Variants in GRIN2C observed in about 807,000 individuals in gnomAD.
GRIN2C encodes the protein glutamate ionotropic receptor NMDA type subunit 2C.
Under a neutral mutation model 77.7 loss-of-function variants are expected in GRIN2C, and 64 were observed. That is an observed-to-expected ratio of 0.82 (90% CI 0.67 to 1.01). GRIN2C has a LOEUF of 1.01. GRIN2C is among the 50% of genes least tolerant of loss of function. The probability of loss-of-function intolerance (pLI) is 0.00; values close to 1 mark genes in which losing one functional copy is unlikely to be tolerated. For missense variants in GRIN2C, 1,549 were observed against 1,486.0 expected (o/e 1.04, Z -0.70); for synonymous variants, 792 against 643.4 (o/e 1.23, Z -3.49).
Position 74,846,058 on chromosome 17 carries a change from G to A in GRIN2C, c.2350+8C>T. ...CACCCTGGGCATCCCAGCAATGGCA[G>A]TACCCACCGTCCCCCAGGAACTGCA... is the stretch of plus-strand genomic sequence containing the variant. On this transcript the variant is annotated splice_region_variant and intron_variant, in intron 11 of 12. Transcript: ENST00000293190. The surrounding 1 kb of genome is among the most constrained non-coding windows in gnomAD (Gnocchi z 4.4). 2 of 1,612,830 alleles carry A rather than the reference G, an allele frequency of 1.2e-6. No homozygotes were observed. The highest frequency in any genetic ancestry group is 1.7e-6 in the Non-Finnish European group (2 of 1,178,894).
At position 74,855,126 on chromosome 17, in the gene GRIN2C, A is replaced by G. The variant is rs770679125; in HGVS notation, c.-15-19T>C. 2.5e-5 allele frequency: 38 copies of G among 1,528,928 alleles called. No homozygotes were observed. In the Admixed American group the frequency reaches 7.3e-4, roughly 29 times the overall value. 94.7% of individuals were successfully genotyped at this position (1,528,928 alleles called of 1,614,324 possible). A position where few individuals can be genotyped will look rare whatever the true frequency, so the allele number is the denominator to read the frequency against. On this transcript the variant is annotated intron_variant, in intron 1 of 12. Transcript: ENST00000293190. ...GAGGGTCCTGCGGAGAGACCAGAACAAGCACAGGGAGAGAGACAGAGGTTT... is the reference window on the plus strand; with the variant it reads ...GAGGGTCCTGCGGAGAGACCAGAACGAGCACAGGGAGAGAGACAGAGGTTT...
In GRIN2C at chr17:74,846,737, C is replaced by T. The variant is rs751188059; in HGVS notation, c.2162+23G>A. 27 of 1,606,188 alleles carry T rather than the reference C, an allele frequency of 1.7e-5. No individual in the cohort carries two copies. In the South Asian group the frequency reaches 2.2e-4, roughly 13 times the overall value. ...TGGGGAGACACACGGATGAAGACAGCGGGTGCAGGGCTGGGGACCCACCCC... is the reference window on the plus strand; with the variant it reads ...TGGGGAGACACACGGATGAAGACAGTGGGTGCAGGGCTGGGGACCCACCCC... On this transcript the variant is annotated intron_variant, in intron 10 of 12. Coordinates refer to ENST00000293190, the MANE Select transcript of GRIN2C (RefSeq NM_000835.6). This position sits in a 1 kb window ranked among gnomAD's most constrained non-coding sequence, Gnocchi z 4.4.
chr17:74,842,923 C>T lies in GRIN2C; in HGVS notation c.3214G>A (p.Ala1072Thr). ...GCGTGACGCGGGCGCGAGCCCCGGGCCCAGGCCGCGTGCAGCAGGGCCTCC... is the reference window on the plus strand; with the variant it reads ...GCGTGACGCGGGCGCGAGCCCCGGGTCCAGGCCGCGTGCAGCAGGGCCTCC... ...RREALLHAAW[A>T]RGSRPRHASL... is the part of the protein sequence containing the mutation. Residue 1072 changes from alanine (A) to threonine (T), a missense_variant, in exon 13 of 13, where the codon GCC (alanine) becomes ACC (threonine). Physicochemically the swap from Ala to Thr is moderately conservative, Grantham distance 58. This residue lies in a region of GRIN2C where 450 missense variants were observed against 267.9 expected (regional missense o/e 1.68). Transcript: ENST00000293190. The T allele has an allele frequency of 1.1e-5, 6 of 569,166 alleles. No individual in the cohort carries two copies. The highest frequency in any genetic ancestry group is 1.9e-5 in the Non-Finnish European group (6 of 323,826). 35.3% of individuals were successfully genotyped at this position (569,166 alleles called of 1,614,324 possible).
At position 74,852,584 on chromosome 17, in the gene GRIN2C, C is replaced by T. The variant is rs751430002; in HGVS notation, c.427G>A (p.Gly143Ser). 51 of 1,445,584 alleles carry T rather than the reference C, an allele frequency of 3.5e-5. 2 individuals carry two copies. The South Asian group carries it at 6.0e-4, about 17-fold the overall frequency. 89.5% of individuals were successfully genotyped at this position (1,445,584 alleles called of 1,614,324 possible). ...KEPGSAFLQL[G>S]VSLEQQLQVL... ...TGCAGCTGCTGCTCCAGGGACACGC[C>T]CAGCTGCAGGAAGGCGGAGCCCGGC... The change falls in exon 3 of 13, where the codon GGC becomes AGC. Residue 143 changes from glycine to serine, a missense_variant. By Grantham distance (56) the Gly-to-Ser change is moderately conservative. Transcript: ENST00000293190.
At chr17:74,856,768 C>T (rs1567901278) in intron 1 of GRIN2C, among the ~76,000 whole-genome samples, 1 of 152,144 alleles carries the variant, frequency 6.6e-6, no homozygotes, top group Non-Finnish European at 1.5e-5. Flanking sequence ...CGTCAGCCAC[C>T]ACACCCAGCT....
In GRIN2C at chr17:74,847,400, C is replaced by T; in HGVS notation, c.1909G>A (p.Val637Ile). ...IMVLVWAFFA[V>I]IFLASYTANL... ...GCCGTGTAGCTGGCGAGGAAGATGA[C>T]AGCAAAGAAGGCCCAGACCAGAACC... is the stretch of plus-strand genomic sequence containing the variant. Residue 637 changes from valine (V) to isoleucine (I), a missense_variant, in exon 9 of 13, where the codon GTC becomes ATC. By Grantham distance (29) the Val-to-Ile change is conservative (BLOSUM62 3). Transcript: ENST00000293190. The surrounding 1 kb of genome is among the most constrained non-coding windows in gnomAD (Gnocchi z 5.2). 6.2e-7 allele frequency: 1 copy of T among 1,614,004 alleles called. No individual in the cohort carries two copies. Among genetic ancestry groups the T allele is most frequent in the Non-Finnish European group, 8.5e-7 (1 of 1,179,994 alleles).
Position 74,850,209 on chromosome 17 carries a change from C to T in GRIN2C, c.1488G>A (p.Gly496=). 6.2e-7 allele frequency: 1 copy of T among 1,613,344 alleles called. No individual in the cohort carries two copies. Among genetic ancestry groups the T allele is most frequent in the Non-Finnish European group, 8.5e-7 (1 of 1,179,918 alleles). The change falls in exon 6 of 13, where the codon GGG becomes GGA. Residue 496 remains glycine, a synonymous_variant. Transcript: ENST00000293190. The surrounding 1 kb of genome is among the most constrained non-coding windows in gnomAD (Gnocchi z 5.3). ...GAGGGAGTGGGGTGGGGCCTACCTCCCCAATCATGCCGTTCCATACGCCGC... is the reference window on the plus strand; with the variant it reads ...GAGGGAGTGGGGTGGGGCCTACCTCTCCAATCATGCCGTTCCATACGCCGC... ...RVRGVWNGMI[G]EVYYKRADMA... is the part of the protein sequence containing the mutation.
Position 74,847,276 on chromosome 17 carries a change from C to T in GRIN2C, c.2001+32G>A, listed in dbSNP as rs1259525593. 2 of 991,068 alleles carry T rather than the reference C, an allele frequency of 2.0e-6. No homozygotes were observed. The highest frequency in any genetic ancestry group is 2.5e-5 in the East Asian group (1 of 39,554). The allele number at this position is 991,068 out of a possible 1,614,324, so 61.4% of individuals were successfully genotyped here. On this transcript the variant is annotated intron_variant, in intron 9 of 12. Coordinates refer to ENST00000293190, the MANE Select transcript of GRIN2C (RefSeq NM_000835.6). This position sits in a 1 kb window ranked among gnomAD's most constrained non-coding sequence, Gnocchi z 5.2. ...CGGCCTGTCCCCACCCTCAGTGCCC[C>T]CCCCCACCCCCAGCAGCTATGGCCC... is the stretch of plus-strand genomic sequence containing the variant.
At chr17:74,848,018 C>G in intron 7 of GRIN2C, 41 bp from the exon 8 acceptor site, 1 of 1,611,324 alleles carries the variant, frequency 6.2e-7, no homozygotes, top group Non-Finnish European at 8.5e-7. Flanking sequence ...TCGGCATGTT[C>G]CCTGCCCCAG....
rs79280591 is a variant in GRIN2C, at chr17:74,844,360, G to A, written c.2499C>T (p.Phe833=). ...LVAMGLALLV[F]AWEHLVYWKL... is the part of the protein sequence containing the mutation. ...TCCAGTAGACCAGGTGCTCCCAGGCGAAGACCAGCAGGGCCAGCCCCATGG... is the reference window on the plus strand; with the variant it reads ...TCCAGTAGACCAGGTGCTCCCAGGCAAAGACCAGCAGGGCCAGCCCCATGG... The change falls in exon 12 of 13, where the codon TTC becomes TTT. Residue 833 remains phenylalanine (F), a synonymous_variant. Transcript: ENST00000293190. 4.3e-4 allele frequency: 689 copies of A among 1,614,172 alleles called. 1 individual carries two copies. Among genetic ancestry groups the A allele is most frequent in the African/African-American group, 3.9e-3 (295 of 75,034 alleles).
At position 74,850,645 on chromosome 17, in the gene GRIN2C, G is replaced by C. The variant is rs1331555501; in HGVS notation, c.1236C>G (p.Pro412=). The C allele has an allele frequency of 2.5e-6, 4 of 1,613,570 alleles. No homozygotes were observed. The highest frequency in any genetic ancestry group is 3.4e-6 in the Non-Finnish European group (4 of 1,180,014). The change falls in exon 5 of 13, where the codon CCC becomes CCG. Residue 412 remains proline (P), a synonymous_variant. Coordinates refer to ENST00000293190, the MANE Select transcript of GRIN2C (RefSeq NM_000835.6). This position sits in a 1 kb window ranked among gnomAD's most constrained non-coding sequence, Gnocchi z 5.3. ...GGTCAGGGCTCTCCACGATGACAAA[G>C]GGCCGCTCTTCCAGCGTGGCCACCG... ...HLTVATLEER[P]FVIVESPDPG...
Position 74,846,029 on chromosome 17 carries a change from A to G in GRIN2C, c.2350+37T>C. The G allele has an allele frequency of 1.3e-6, 2 of 1,594,622 alleles. No individual in the cohort carries two copies. Among genetic ancestry groups the G allele is most frequent in the South Asian group, 1.1e-5 (1 of 90,578 alleles). On this transcript the variant is annotated intron_variant, in intron 11 of 12. Coordinates refer to ENST00000293190, the MANE Select transcript of GRIN2C (RefSeq NM_000835.6). This position sits in a 1 kb window ranked among gnomAD's most constrained non-coding sequence, Gnocchi z 4.4. ...AAATGCTGACAACCTTGGGCTCCAC[A>G]GCCCACCCTGGGCATCCCAGCAATG...
rs1036183137 is a variant in GRIN2C, at chr17:74,853,459, C to T, written c.400-848G>A. The T allele has an allele frequency of 2.0e-5, 3 of 152,316 alleles. No individual in the cohort carries two copies. The East Asian group carries it at 5.8e-4, about 29-fold the overall frequency. 9.4% of individuals were successfully genotyped at this position (152,316 alleles called of 1,614,324 possible). On this transcript the variant is annotated intron_variant, in intron 2 of 12. Transcript: ENST00000293190. ...GAGCAAACAGGCTGCAAAATAAACA[C>T]TTATGACAGTTATGAAACAATGGGG...
chr17:74,843,615 T>C (rs1329990870), intron 12 of GRIN2C, 62 bp from the exon 13 acceptor site: 9 of 1,514,258 alleles, frequency 5.9e-6, no homozygotes, highest in Admixed American at 2.2e-5. Context: ...CCGCCACGAT[T>C]GTCCCTGCCT....
chr17:74,844,579 A>T, intron 11 of GRIN2C, 71 bp from the exon 12 acceptor site: 33 of 1,559,522 alleles, frequency 2.1e-5, no homozygotes, highest in Non-Finnish European at 2.8e-5. Flanking sequence ...AAAGCTCACC[A>T]CAAACCTGGA....
rs1237121894 is a variant in GRIN2C at position 74,843,181 on chromosome 17, GC to G, written c.2955del (p.Pro986ArgfsTer225). ...PQPPGRPPTPGPPLSDVSRVS... is the reference protein window; with the variant it reads ...PQPPGRPPTPXPPLSDVSRVS... ...ACTCGGGAGACGTCGGACAGGGGCGGCCCCGGCGTCGGGGGGCGGCCCGGGG... is the reference window on the plus strand; with the variant it reads ...ACTCGGGAGACGTCGGACAGGGGCGGCCCGGCGTCGGGGGGCGGCCCGGGG... On this transcript the variant is annotated frameshift_variant, in exon 13 of 13. Transcript: ENST00000293190. LOFTEE classifies it low-confidence loss of function (END_TRUNC). The G allele has an allele frequency of 2.4e-6, 1 of 412,416 alleles. No individual in the cohort carries two copies. The highest frequency in any genetic ancestry group is 4.2e-6 in the Non-Finnish European group (1 of 239,246). 25.5% of individuals were successfully genotyped at this position (412,416 alleles called of 1,614,324 possible).
upstream of GRIN2C, chr17:74,860,873 G>A (rs1376712950): frequency 3.6e-6 from 1 of 276,406 alleles, no homozygotes; most frequent in Non-Finnish European, 7.1e-6. Flanking sequence ...GCGCCGAGGC[G>A]AGTGCGCAGC....
In GRIN2C at chr17:74,850,265, C is replaced by T; in HGVS notation, c.1432G>A (p.Val478Met). 6.2e-7 allele frequency: 1 copy of T among 1,613,924 alleles called. No individual in the cohort carries two copies. Among genetic ancestry groups the T allele is most frequent in the Non-Finnish European group, 8.5e-7 (1 of 1,180,000 alleles). The part of the protein sequence containing the change: ...VVKFSYDLYL[V>M]TNGKHGKRVR... ...CGCTTGCCATGCTTGCCGTTGGTCA[C>T]CAGGTACAGGTCGTAGGAGAATTTG... The change falls in exon 6 of 13, where the codon GTG (valine) becomes ATG (methionine). Residue 478 changes from valine (V) to methionine (M), a missense_variant. Around this residue, in one of 3 missense-constraint regions of GRIN2C, gnomAD observed 717 missense variants for 858.1 expected, o/e 0.84. Coordinates refer to ENST00000293190, the MANE Select transcript of GRIN2C (RefSeq NM_000835.6). This position sits in a 1 kb window ranked among gnomAD's most constrained non-coding sequence, Gnocchi z 5.3.
chr17:74,852,396 C>G lies in GRIN2C; in HGVS notation c.615G>C (p.Pro205=). 5 of 1,459,132 alleles carry G rather than the reference C, an allele frequency of 3.4e-6. No individual in the cohort carries two copies. Among genetic ancestry groups the G allele is most frequent in the Non-Finnish European group, 4.5e-6 (5 of 1,113,856 alleles). The allele number at this position is 1,459,132 out of a possible 1,614,324, so 90.4% of individuals were successfully genotyped here. A position where few individuals can be genotyped will look rare whatever the true frequency, so the allele number is the denominator to read the frequency against. ...GCTGCGTGCGCGCGCGCGGCCCTCC[C>G]GGGCCCAGCTCCAGCGTGACCACGT... is the stretch of plus-strand genomic sequence containing the variant. ...LLDVVTLELG[P]GGPRARTQRL... The change falls in exon 3 of 13, where the codon CCG becomes CCC. Residue 205 remains proline, a synonymous_variant. Transcript: ENST00000293190.
Sources: gnomAD v4.1 joint callset for allele counts (sites outside exome capture counted in the v4.1 genomes callset) on GRCh38, gnomAD v4.1.1 for gene constraint, gnomAD v4.1.1 regional missense constraint, Gnocchi (gnomAD v3.1) non-coding constraint, MANE v1.5 for transcripts, NCBI Gene and HGNC (gene_info 2026-07-23, HGNC 2026-07-21) for gene names.